Variants in SLC24A2 observed in about 807,000 individuals in gnomAD.
SLC24A2 encodes solute carrier family 24 member 2, also known as sodium/potassium/calcium exchanger 2.
In SLC24A2, 36 loss-of-function variants were observed where a neutral mutation model predicts 62.0. That is an observed-to-expected ratio of 0.58 (90% confidence interval 0.44 to 0.77). The LOEUF (loss-of-function observed/expected upper bound fraction) is 0.77, where lower values mean the gene tolerates loss of function less well. Among genes scored for constraint, SLC24A2 ranks in the 30% least tolerant of loss-of-function variants. SLC24A2 has a pLI of 0.00. For missense variants in SLC24A2, 846 were observed against 817.9 expected (o/e 1.03, Z -0.42); for synonymous variants, 358 against 294.0 (o/e 1.22, Z -2.23).
At chr9:19,556,893 C>G (rs542280906) in intron 7 of SLC24A2, among the ~76,000 whole-genome samples, 4 of 152,298 alleles carry the variant, frequency 2.6e-5, no homozygotes, top group Non-Finnish European at 5.9e-5. Context: ...TGTACAAGAA[C>G]TTCTTACTCA....
rs1832865923 is a variant in SLC24A2, at chr9:19,514,895, G to A, written c.*1258C>T. 6.6e-6 allele frequency: 1 copy of A among 152,190 alleles called. No homozygotes were observed. Among genetic ancestry groups the A allele is most frequent in the African/African-American group, 2.4e-5 (1 of 41,444 alleles). The allele number at this position is 152,190 out of a possible 1,614,324, so 9.4% of individuals were successfully genotyped here. On this transcript the variant is annotated 3_prime_UTR_variant, in exon 11 of 11. Coordinates refer to ENST00000341998, the MANE Select transcript of SLC24A2 (RefSeq NM_020344.4). ...CTCAACCCAAGCAGTGCTGATCAGAGTTAAGTTAGTGCTATTGGGAATAAT... is the reference window on the plus strand; with the variant it reads ...CTCAACCCAAGCAGTGCTGATCAGAATTAAGTTAGTGCTATTGGGAATAAT...
intron 8 of SLC24A2, among the ~76,000 whole-genome samples, chr9:19,544,837 TTC>T (rs1454667164): frequency 6.6e-6 from 1 of 152,186 alleles, no homozygotes; most frequent in Non-Finnish European, 1.5e-5. Flanking sequence ...AACCTGACCT[TTC>T]TCTCTGGCTG....
Position 19,527,951 on chromosome 9 carries a change from T to C in SLC24A2, c.1569+98A>G, listed in dbSNP as rs1320291462. On this transcript the variant is annotated intron_variant, in intron 9 of 10. Transcript: ENST00000341998. ...AACTCGTCTGTGTCACACCCAATAC[T>C]GTTGTGGCAGTTGCAGAAAGCAAAC... 3.9e-6 allele frequency: 3 copies of C among 772,562 alleles called. No individual in the cohort carries two copies. The African/African-American group carries it at 5.1e-5, about 13-fold the overall frequency. 47.9% of individuals were successfully genotyped at this position (772,562 alleles called of 1,614,324 possible). A position where few individuals can be genotyped will look rare whatever the true frequency, so the allele number is the denominator to read the frequency against.
chr9:20,006,304 G>A, the SLC24A2 span, among the ~76,000 whole-genome samples: 2 of 151,570 alleles, frequency 1.3e-5, no homozygotes, highest in Admixed American at 1.3e-4. Flanking sequence ...TAATTGCTCA[G>A]AGTATTCATC....
At chr9:19,980,385 A>G in the SLC24A2 span, among the ~76,000 whole-genome samples, 1 of 152,212 alleles carries the variant, frequency 6.6e-6, no homozygotes, top group Non-Finnish European at 1.5e-5. Context: ...GCCACATGGT[A>G]GGTTTGAAGG....
the SLC24A2 span, among the ~76,000 whole-genome samples, chr9:20,236,778 G>C: frequency 2.0e-5 from 3 of 152,080 alleles, no homozygotes; most frequent in Non-Finnish European, 4.4e-5. Context: ...CACCTGCGGC[G>C]GGTGGAACTG....
the SLC24A2 span, among the ~76,000 whole-genome samples, chr9:20,286,044 C>T: frequency 4.1e-4 from 62 of 152,344 alleles, no homozygotes; most frequent in African/African-American, 1.4e-3. Context: ...ACACAGTCCC[C>T]TTCCCAGGAA....
the SLC24A2 span, among the ~76,000 whole-genome samples, chr9:20,098,192 T>C: frequency 6.6e-6 from 1 of 152,218 alleles, no homozygotes; most frequent in African/African-American, 2.4e-5. Flanking sequence ...GACTAATAAC[T>C]GACTAATAAC....
At chr9:20,302,368 T>C in the SLC24A2 span, among the ~76,000 whole-genome samples, 2 of 152,258 alleles carry the variant, frequency 1.3e-5, no homozygotes, top group Non-Finnish European at 2.9e-5. Flanking sequence ...TGAGAGCTCC[T>C]GTTGCTTCCC....
At chr9:19,731,497 T>TTCTTTCTCTC (rs1554707778) in intron 2 of SLC24A2, among the ~76,000 whole-genome samples, 2 of 148,178 alleles carry the variant, frequency 1.3e-5, no homozygotes, top group African/African-American at 5.0e-5. Flanking sequence ...GAACACTTGT[T>TTCTTTCTCTC]TCTCTCTCTC....
chr9:19,617,053 G>A (rs116562005), intron 4 of SLC24A2, among the ~76,000 whole-genome samples: 2 of 152,078 alleles, frequency 1.3e-5, no homozygotes, highest in Admixed American at 6.6e-5. Context: ...GTAGACCAGC[G>A]GTCCCCAAGC....
At chr9:20,154,284 T>C in the SLC24A2 span, among the ~76,000 whole-genome samples, 1 of 151,842 alleles carries the variant, frequency 6.6e-6, no homozygotes, top group Non-Finnish European at 1.5e-5. Flanking sequence ...GCACAAATTG[T>C]AAGGTGACAA....
intron 8 of SLC24A2, among the ~76,000 whole-genome samples, chr9:19,534,664 C>T (rs1194340545): frequency 6.6e-6 from 1 of 152,140 alleles, no homozygotes; most frequent in Non-Finnish European, 1.5e-5. Flanking sequence ...CAGCTTCATC[C>T]ATGTCCCTGC....
At chr9:19,648,665 C>A (rs1402548637) in intron 2 of SLC24A2, among the ~76,000 whole-genome samples, 1 of 152,104 alleles carries the variant, frequency 6.6e-6, no homozygotes, top group African/African-American at 2.4e-5. Flanking sequence ...TTCTACTGGG[C>A]AGGAGGAACC....
chr9:20,273,303 C>T, the SLC24A2 span, among the ~76,000 whole-genome samples: 1 of 152,196 alleles, frequency 6.6e-6, no homozygotes, highest in African/African-American at 2.4e-5. Flanking sequence ...ATAAAACCCT[C>T]ATGCAACAGA....
At chr9:20,040,935 G>A in the SLC24A2 span, among the ~76,000 whole-genome samples, 1 of 152,358 alleles carries the variant, frequency 6.6e-6, no homozygotes, top group East Asian at 1.9e-4. Context: ...CAACCTATAT[G>A]AAGGGGAGAC....
the SLC24A2 span, among the ~76,000 whole-genome samples, chr9:20,105,952 A>C: frequency 1.3e-5 from 2 of 152,192 alleles, no homozygotes; most frequent in Non-Finnish European, 2.9e-5. Context: ...AACCGCTGGC[A>C]AGACTAATAA....
intron 2 of SLC24A2, among the ~76,000 whole-genome samples, chr9:19,766,448 G>A (rs1271229210): frequency 6.6e-6 from 1 of 152,162 alleles, no homozygotes; most frequent in Admixed American, 6.5e-5. Flanking sequence ...TCTACCTTTG[G>A]TCTTTGCTGT....
At chr9:20,234,606 G>C in the SLC24A2 span, among the ~76,000 whole-genome samples, 27,581 of 152,044 alleles carry the variant, frequency 0.18, 3,627 homozygotes, top group African/African-American at 0.37. Context: ...CTCTGCATTG[G>C]TTATTCTAGT....
Sources: allele counts gnomAD v4.1 joint callset (sites outside exome capture counted in the v4.1 genomes callset), GRCh38; gene constraint gnomAD v4.1.1; transcripts MANE v1.5; gene names NCBI Gene and HGNC (gene_info 2026-07-23, HGNC 2026-07-21).